GLI3: variants seen among roughly 807,000 people sequenced by gnomAD.
The protein encoded by GLI3 is GLI family zinc finger 3, also known as transcription activator GLI3.
Under a neutral mutation model 100.8 loss-of-function variants are expected in GLI3, and 20 were observed. The observed-to-expected ratio is 0.20, with a 90% CI of 0.14 to 0.29. The LOEUF is 0.29. GLI3 is among the 10% of genes least tolerant of loss of function. The pLI, the probability that GLI3 is intolerant of heterozygous loss-of-function variation, is 1.00. For missense variants in GLI3, 2,040 were observed against 2,128.5 expected (o/e 0.96, Z 0.82); for synonymous variants, 938 against 860.5 (o/e 1.09, Z -1.58).
chr7:42,070,806 T>C (rs766975731), intron 4 of GLI3, among the ~76,000 whole-genome samples: 14 of 152,214 alleles, frequency 9.2e-5, no homozygotes, highest in Admixed American at 2.6e-4. Context: ...ATTTCATTCA[T>C]TTTATTTCCA....
Position 41,964,064 on chromosome 7 carries a change from G to GT in GLI3, c.*265dup, listed in dbSNP as rs550264781. ...TACTAAAAAGGGGGCGGGGCTTACAGTTTTTTTTTTTTTTTTTAAAAAGAG... is the reference window on the plus strand; with the variant it reads ...TACTAAAAAGGGGGCGGGGCTTACAGTTTTTTTTTTTTTTTTTTAAAAAGAG... On this transcript the variant is annotated 3_prime_UTR_variant, in exon 15 of 15. Coordinates refer to ENST00000395925, the MANE Select transcript of GLI3 (RefSeq NM_000168.6). 73,880 of 204,986 alleles carry GT rather than the reference G, an allele frequency of 0.36. 11,523 individuals carry two copies. Among genetic ancestry groups the GT allele is most frequent in the East Asian group, 0.64 (4,912 of 7,664 alleles). The allele number at this position is 204,986 out of a possible 1,614,324, so 12.7% of individuals were successfully genotyped here. A position where few individuals can be genotyped will look rare whatever the true frequency, so the allele number is the denominator to read the frequency against.
At chr7:42,002,255 AAAC>A (rs1788324117) in intron 10 of GLI3, among the ~76,000 whole-genome samples, 2 of 152,196 alleles carry the variant, frequency 1.3e-5, no homozygotes, top group Admixed American at 1.3e-4. Flanking sequence ...GTTAAAAAAT[AAAC>A]AGATGAATAT....
chr7:42,182,660 A>ATATATATATACATGTGTG (rs1554337051), intron 2 of GLI3, among the ~76,000 whole-genome samples: 5 of 59,106 alleles, frequency 8.5e-5, no homozygotes, highest in African/African-American at 2.9e-4. Flanking sequence ...ATATATATAT[A>ATATATATATACATGTGTG]TATATATATA....
intron 3 of GLI3, among the ~76,000 whole-genome samples, chr7:42,079,457 T>C (rs954620638): frequency 6.6e-6 from 1 of 152,190 alleles, no homozygotes; most frequent in Non-Finnish European, 1.5e-5. Context: ...TGGATGGCCA[T>C]GAAATATGGG....
chr7:42,206,868 A>G (rs1432111562), intron 2 of GLI3, among the ~76,000 whole-genome samples: 1 of 152,192 alleles, frequency 6.6e-6, no homozygotes, highest in Admixed American at 6.5e-5. Flanking sequence ...CTACCCACAA[A>G]GAACTAAAAA....
intron 10 of GLI3, among the ~76,000 whole-genome samples, chr7:41,989,642 A>G (rs1225275619): frequency 6.6e-6 from 1 of 152,086 alleles, no homozygotes; most frequent in Admixed American, 6.6e-5. Flanking sequence ...TCCCTCACCT[A>G]TGGGCTTGGT....
Position 42,223,137 on chromosome 7 carries a change from A to T in GLI3, c.117T>A (p.Thr39=), listed in dbSNP as rs1244635923. ...AATCCCTGTGCTGCTCACCATTAGA[A>T]GTGGTGCTGGAGGCAACGGCTTTCT... ...VSEKAVASST[T]SNEDESPGQT... is the part of the protein sequence containing the mutation. Residue 39 remains threonine, a synonymous_variant, in exon 2 of 15, where the codon ACT becomes ACA. Coordinates refer to ENST00000395925, the MANE Select transcript of GLI3 (RefSeq NM_000168.6). 1.9e-6 allele frequency: 3 copies of T among 1,613,976 alleles called. No individual in the cohort carries two copies. Among genetic ancestry groups the T allele is most frequent in the Non-Finnish European group, 2.5e-6 (3 of 1,179,934 alleles).
chr7:42,101,394 A>G (rs1352009649), intron 3 of GLI3, among the ~76,000 whole-genome samples: 1 of 152,118 alleles, frequency 6.6e-6, no homozygotes, highest in Non-Finnish European at 1.5e-5. Context: ...TGAGTCCAAG[A>G]GTTCGAGACC....
intron 1 of GLI3, among the ~76,000 whole-genome samples, chr7:42,234,475 C>A (rs980920706): frequency 6.6e-6 from 1 of 152,174 alleles, no homozygotes; most frequent in Non-Finnish European, 1.5e-5. Flanking sequence ...ACAATTCTTT[C>A]ATTAAATAAT....
chr7:42,121,124 A>C (rs1785988306), intron 3 of GLI3, among the ~76,000 whole-genome samples: 1 of 152,184 alleles, frequency 6.6e-6, no homozygotes, highest in Non-Finnish European at 1.5e-5. Context: ...TCCCTCTTCG[A>C]CTTGAATCAC....
intron 10 of GLI3, among the ~76,000 whole-genome samples, chr7:41,994,665 T>G (rs950814729): frequency 6.6e-6 from 1 of 152,236 alleles, no homozygotes; most frequent in South Asian, 2.1e-4. Context: ...AATTTTGTTT[T>G]CTTGCTTTGT....
At chr7:42,022,335 G>T (rs1788966158) in intron 10 of GLI3, among the ~76,000 whole-genome samples, 2 of 152,140 alleles carry the variant, frequency 1.3e-5, no homozygotes, top group African/African-American at 2.4e-5. Flanking sequence ...CACATTAAAA[G>T]TTCACACTGC....
At chr7:42,213,603 G>A (rs947040668) in intron 2 of GLI3, among the ~76,000 whole-genome samples, 5 of 152,196 alleles carry the variant, frequency 3.3e-5, no homozygotes, top group African/African-American at 1.2e-4. Flanking sequence ...CTCTGTGGCA[G>A]CTCTGAGTCC....
rs553904561 is a variant in GLI3 at position 41,986,365 on chromosome 7, C to G, written c.1498-7617G>C. ...AACAAAGGGCTTTATAATGTTGGAT[C>G]TGAAGAAGAGAAATGAACTAACCTA... On this transcript the variant is annotated intron_variant, in intron 10 of 14. Transcript: ENST00000395925. 1.1e-4 allele frequency among the ~76,000 whole-genome samples: 17 copies of G among 152,230 alleles called. No individual in the cohort carries two copies. The East Asian group carries it at 2.9e-3, about 26-fold the overall frequency.
chr7:42,031,063 G>A (rs1299906584), intron 7 of GLI3, among the ~76,000 whole-genome samples: 2 of 152,140 alleles, frequency 1.3e-5, no homozygotes, highest in Non-Finnish European at 2.9e-5. Flanking sequence ...TCTAGAGCAG[G>A]ACATAATCTA....
chr7:42,233,259 T>C (rs1055944699), intron 1 of GLI3, among the ~76,000 whole-genome samples: 2 of 152,210 alleles, frequency 1.3e-5, no homozygotes, highest in Non-Finnish European at 1.5e-5. Context: ...TAGCAGCTCC[T>C]AAAAACTTAA....
At chr7:42,155,235 T>C (rs1282915549) in intron 2 of GLI3, among the ~76,000 whole-genome samples, 1 of 150,136 alleles carries the variant, frequency 6.7e-6, no homozygotes, top group African/African-American at 2.5e-5. Context: ...AAGTCAGGAG[T>C]TCAAGACCAG....
At chr7:42,137,239 C>A (rs1786450611) in intron 3 of GLI3, among the ~76,000 whole-genome samples, 1 of 152,206 alleles carries the variant, frequency 6.6e-6, no homozygotes, top group Non-Finnish European at 1.5e-5. Flanking sequence ...TGGGCCACTG[C>A]AACAGCAGCC....
chr7:42,162,073 T>C (rs571839941), intron 2 of GLI3, among the ~76,000 whole-genome samples: 1 of 152,214 alleles, frequency 6.6e-6, no homozygotes, highest in Admixed American at 6.5e-5. Flanking sequence ...ATTACTGATT[T>C]TTCTAGATGA....
Sources: allele counts gnomAD v4.1 joint callset (sites outside exome capture counted in the v4.1 genomes callset), GRCh38; gene constraint gnomAD v4.1.1; transcripts MANE v1.5; gene names NCBI Gene and HGNC (gene_info 2026-07-23, HGNC 2026-07-21).